The following FJX1 variants were observed in gnomAD, a reference collection of about 807,000 sequenced individuals.
FJX1 encodes the protein four-jointed box kinase 1.
In FJX1, 21 loss-of-function variants were observed where a neutral mutation model predicts 28.7. The ratio of observed to expected loss-of-function variants is 0.73; its 90% CI spans 0.52 to 1.05. The LOEUF is 1.05. FJX1 is among the 50% of genes least tolerant of loss of function. The pLI is 0.00. For missense variants in FJX1, 683 were observed against 647.2 expected, an observed-to-expected ratio of 1.06 and a Z score of -0.60; for synonymous variants, 363 against 310.0, an observed-to-expected ratio of 1.17 and a Z score of -1.80.
Position 35,619,017 on chromosome 11 carries a change from C to T in FJX1, c.381C>T (p.Gly127=). The stretch of plus-strand genomic sequence containing the variant: ...ACGGGGGCGTCTTCTGGAGCCGCGG[C>T]CTGGAGGAGCAGGTGCCCCCGGGCT... ...AVHGGVFWSR[G]LEEQVPPGFS... Residue 127 remains glycine (G), a synonymous_variant, in exon 1 of 1, where the codon GGC becomes GGT. Coordinates refer to ENST00000317811, the MANE Select transcript of FJX1 (RefSeq NM_014344.4). The surrounding 1 kb of genome is among the most constrained non-coding windows in gnomAD (Gnocchi z 7.6). 6.8e-7 allele frequency: 1 copy of T among 1,469,594 alleles called. No individual in the cohort carries two copies. Among genetic ancestry groups the T allele is most frequent in the South Asian group, 1.3e-5 (1 of 74,592 alleles). 91.0% of individuals were successfully genotyped at this position (1,469,594 alleles called of 1,614,324 possible). A position where few individuals can be genotyped will look rare whatever the true frequency, so the allele number is the denominator to read the frequency against.
rs946193193 is a variant in FJX1, at chr11:35,619,982, G to A, written c.*32G>A. The A allele has an allele frequency of 6.4e-7, 1 of 1,566,574 alleles. No individual in the cohort carries two copies. The highest frequency in any genetic ancestry group is 1.4e-5 in the African/African-American group (1 of 73,794). ...CGGGAGGAAAAGAGAGAGATCTGGG[G>A]CTGGGGTATGGATGATGGGGGGAAG... On this transcript the variant is annotated 3_prime_UTR_variant, in exon 1 of 1. Coordinates refer to ENST00000317811, the MANE Select transcript of FJX1 (RefSeq NM_014344.4). This position sits in a 1 kb window ranked among gnomAD's most constrained non-coding sequence, Gnocchi z 7.6.
At position 35,619,534 on chromosome 11, in the gene FJX1, G is replaced by T; in HGVS notation, c.898G>T (p.Ala300Ser). Residue 300 changes from alanine (A) to serine (S), a missense_variant, in exon 1 of 1, where the codon GCC (alanine) becomes TCC (serine). By Grantham distance (99) the Ala-to-Ser change is moderately conservative. Transcript: ENST00000317811. This position sits in a 1 kb window ranked among gnomAD's most constrained non-coding sequence, Gnocchi z 7.6. ...CTTAATCCTTTTCGACTACCTGACG[G>T]CCAACTTCGACCGGCTCGTAAGCAA... ...TDLILFDYLT[A>S]NFDRLVSNLF... is the part of the protein sequence containing the mutation. 1 of 1,600,734 alleles carries T rather than the reference G, an allele frequency of 6.2e-7. No homozygotes were observed.
In FJX1 at chr11:35,619,243, C is replaced by T; in HGVS notation, c.607C>T (p.Leu203Phe). Residue 203 changes from leucine (L) to phenylalanine (F), a missense_variant, in exon 1 of 1, where the codon CTC becomes TTC. Coordinates refer to ENST00000317811, the MANE Select transcript of FJX1 (RefSeq NM_014344.4). This position sits in a 1 kb window ranked among gnomAD's most constrained non-coding sequence, Gnocchi z 7.6. ...TTACTATCTGGCGCGCCTGCTGGGC[C>T]TCCAGCGCCACGTGCCGCCGCTGGC... ...LSYYLARLLG[L>F]QRHVPPLALA... The T allele has an allele frequency of 1.3e-6, 2 of 1,577,678 alleles. No homozygotes were observed. Among genetic ancestry groups the T allele is most frequent in the Non-Finnish European group, 1.7e-6 (2 of 1,171,178 alleles).
In FJX1 at chr11:35,619,111, G is replaced by C. The variant is rs1335142633; in HGVS notation, c.475G>C (p.Gly159Arg). The C allele has an allele frequency of 1.3e-6, 2 of 1,529,176 alleles. No homozygotes were observed. Among genetic ancestry groups the C allele is most frequent in the Admixed American group, 2.0e-5 (1 of 49,136 alleles). The allele number at this position is 1,529,176 out of a possible 1,614,324, so 94.7% of individuals were successfully genotyped here. The change falls in exon 1 of 1, where the codon GGG becomes CGG. Residue 159 changes from glycine to arginine, a missense_variant. Coordinates refer to ENST00000317811, the MANE Select transcript of FJX1 (RefSeq NM_014344.4). The surrounding 1 kb of genome is among the most constrained non-coding windows in gnomAD (Gnocchi z 7.6). ...CGCCCGGATGGTGGCCCTGGAGCGC[G>C]GGGGTTGCGGGCGCAGCTCCAACCG... Reference protein sequence around the residue: ...RGARMVALERGGCGRSSNRLA... With the variant: ...RGARMVALERRGCGRSSNRLA...
Position 35,619,918 on chromosome 11 carries a change from AAGGCCAAG to A in FJX1, c.1283_1290del (p.Lys428IlefsTer24), listed in dbSNP as rs1850880166. 1 of 1,586,646 alleles carries A rather than the reference AAGGCCAAG, an allele frequency of 6.3e-7. No homozygotes were observed. Among genetic ancestry groups the A allele is most frequent in the South Asian group, 1.2e-5 (1 of 86,560 alleles). On this transcript the variant is annotated frameshift_variant, in exon 1 of 1. Coordinates refer to ENST00000317811, the MANE Select transcript of FJX1 (RefSeq NM_014344.4). LOFTEE classifies it high-confidence loss of function. The surrounding 1 kb of genome is among the most constrained non-coding windows in gnomAD (Gnocchi z 7.6). ...CCTCGCCAAGCACATTTTGCACTGT[AAGGCCAAG>A]TACGGCCGCCGGTCTGGGACTTAGT...
Position 35,618,950 on chromosome 11 carries a change from T to TGTCA in FJX1, c.316_319dup (p.Ala107ValfsTer169). 6.8e-7 allele frequency: 1 copy of TGTCA among 1,470,722 alleles called. No homozygotes were observed. Among genetic ancestry groups the TGTCA allele is most frequent in the South Asian group, 1.3e-5 (1 of 76,782 alleles). The allele number at this position is 1,470,722 out of a possible 1,614,324, so 91.1% of individuals were successfully genotyped here. A position where few individuals can be genotyped will look rare whatever the true frequency, so the allele number is the denominator to read the frequency against. ...TCCCGGAGCGAGCCCAGGTGGCACG[T>TGTCA]GTCAGCCAGGCAGCCCCGGCCGGAG... On this transcript the variant is annotated frameshift_variant, in exon 1 of 1. Coordinates refer to ENST00000317811, the MANE Select transcript of FJX1 (RefSeq NM_014344.4). LOFTEE classifies it high-confidence loss of function. This position sits in a 1 kb window ranked among gnomAD's most constrained non-coding sequence, Gnocchi z 4.2.
In FJX1 at chr11:35,618,823, C is replaced by T; in HGVS notation, c.187C>T (p.Pro63Ser). The change falls in exon 1 of 1, where the codon CCT becomes TCT. Residue 63 changes from proline to serine, a missense_variant. Physicochemically the swap from Pro to Ser is moderately conservative, Grantham distance 74. Transcript: ENST00000317811. The surrounding 1 kb of genome is among the most constrained non-coding windows in gnomAD (Gnocchi z 4.2). Reference protein sequence around the residue: ...SGGPAPAPRFPLPPPLAWDAR... With the variant: ...SGGPAPAPRFSLPPPLAWDAR... ...CGGCCCCGCGCCCGCGCCTCGCTTCCCTCTGCCCCCGCCCCTGGCGTGGGA... is the reference window on the plus strand; with the variant it reads ...CGGCCCCGCGCCCGCGCCTCGCTTCTCTCTGCCCCCGCCCCTGGCGTGGGA... The T allele has an allele frequency of 7.7e-7, 1 of 1,304,080 alleles. No individual in the cohort carries two copies. Among genetic ancestry groups the T allele is most frequent in the South Asian group, 2.2e-5 (1 of 44,598 alleles). 80.8% of individuals were successfully genotyped at this position (1,304,080 alleles called of 1,614,324 possible). A position where few individuals can be genotyped will look rare whatever the true frequency, so the allele number is the denominator to read the frequency against.
chr11:35,618,613 G>A lies in FJX1; in HGVS notation c.-24G>A. The A allele has an allele frequency of 8.8e-7, 1 of 1,129,998 alleles. No individual in the cohort carries two copies. The highest frequency in any genetic ancestry group is 4.9e-5 in the East Asian group (1 of 20,286). 70.0% of individuals were successfully genotyped at this position (1,129,998 alleles called of 1,614,324 possible). ...CTGGGCTCGGCTTGAAGCGGCGGCG[G>A]CGCACCGGCACAGCCGCGGGAGCAT... On this transcript the variant is annotated 5_prime_UTR_variant, in exon 1 of 1. Transcript: ENST00000317811. The surrounding 1 kb of genome is among the most constrained non-coding windows in gnomAD (Gnocchi z 4.2).
Position 35,619,377 on chromosome 11 carries a change from C to T in FJX1, c.741C>T (p.Pro247=). 6.3e-7 allele frequency: 1 copy of T among 1,592,340 alleles called. No individual in the cohort carries two copies. The highest frequency in any genetic ancestry group is 2.2e-5 in the East Asian group (1 of 44,514). ...GSVVSLTRWL[P]NLTDVVVPAP... is the part of the protein sequence containing the mutation. ...TGGTGAGCCTGACACGCTGGCTGCC[C>T]AACCTCACGGACGTGGTGGTGCCCG... Residue 247 remains proline, a synonymous_variant, in exon 1 of 1, where the codon CCC becomes CCT. Coordinates refer to ENST00000317811, the MANE Select transcript of FJX1 (RefSeq NM_014344.4). The surrounding 1 kb of genome is among the most constrained non-coding windows in gnomAD (Gnocchi z 7.6).
Position 35,618,787 on chromosome 11 carries a change from G to A in FJX1, c.151G>A (p.Ala51Thr). 1.6e-6 allele frequency: 2 copies of A among 1,248,142 alleles called. No homozygotes were observed. The highest frequency in any genetic ancestry group is 2.0e-6 in the Non-Finnish European group (2 of 996,870). 77.3% of individuals were successfully genotyped at this position (1,248,142 alleles called of 1,614,324 possible). ...CGAAGACCGACTCCCACGGCGCCCGGCCCGGAGCGGCGGCCCCGCGCCCGC... is the reference window on the plus strand; with the variant it reads ...CGAAGACCGACTCCCACGGCGCCCGACCCGGAGCGGCGGCCCCGCGCCCGC... ...PPEDRLPRRP[A>T]RSGGPAPAPR... The change falls in exon 1 of 1, where the codon GCC (alanine) becomes ACC (threonine). Residue 51 changes from alanine (A) to threonine (T), a missense_variant. Coordinates refer to ENST00000317811, the MANE Select transcript of FJX1 (RefSeq NM_014344.4). The surrounding 1 kb of genome is among the most constrained non-coding windows in gnomAD (Gnocchi z 4.2).
rs774192421 is a variant in FJX1, at chr11:35,619,437, C to G, written c.801C>G (p.Pro267=). 5.4e-5 allele frequency: 86 copies of G among 1,598,366 alleles called. No individual in the cohort carries two copies. Among genetic ancestry groups the G allele is most frequent in the Non-Finnish European group, 6.8e-5 (80 of 1,179,530 alleles). Residue 267 remains proline (P), a synonymous_variant, in exon 1 of 1, where the codon CCC becomes CCG. Transcript: ENST00000317811. The surrounding 1 kb of genome is among the most constrained non-coding windows in gnomAD (Gnocchi z 7.6). ...GCTCGGAGGACGGCCGTCTGCGCCC[C>G]CTCCGGGATGCCGGGGGTGAGCTGG... ...PWRSEDGRLR[P]LRDAGGELAN... is the part of the protein sequence containing the mutation.
chr11:35,619,433 G>T lies in FJX1; in HGVS notation c.797G>T (p.Arg266Leu), dbSNP rs917524425. The T allele has an allele frequency of 5.6e-6, 9 of 1,598,112 alleles. No homozygotes were observed. In the African/African-American group the frequency reaches 6.7e-5, roughly 12 times the overall value. ...APWRSEDGRL[R>L]PLRDAGGELA... ...TGGCGCTCGGAGGACGGCCGTCTGC[G>T]CCCCCTCCGGGATGCCGGGGGTGAG... Residue 266 changes from arginine (R) to leucine (L), a missense_variant, in exon 1 of 1, where the codon CGC becomes CTC. Arg to Leu is a moderately radical substitution (Grantham distance 102). Transcript: ENST00000317811. The surrounding 1 kb of genome is among the most constrained non-coding windows in gnomAD (Gnocchi z 7.6).
chr11:35,618,670 GC>G lies in FJX1; in HGVS notation c.35del (p.Ala12GlyfsTer66). On this transcript the variant is annotated frameshift_variant, in exon 1 of 1. Coordinates refer to ENST00000317811, the MANE Select transcript of FJX1 (RefSeq NM_014344.4). LOFTEE classifies it high-confidence loss of function. The surrounding 1 kb of genome is among the most constrained non-coding windows in gnomAD (Gnocchi z 4.2). Reference sequence around the variant, plus strand: ...GAGGATGCGGGGCGCCGCCGCCACCGCGGGGCTCTGGCTGCTGGCGCTGGGC... The same window carrying G: ...GAGGATGCGGGGCGCCGCCGCCACCGGGGGCTCTGGCTGCTGGCGCTGGGC... The part of the protein sequence containing the change: ...GRRMRGAAAT[A>X]GLWLLALGSL... 1.6e-6 allele frequency: 2 copies of G among 1,234,558 alleles called. No individual in the cohort carries two copies. The allele number at this position is 1,234,558 out of a possible 1,614,324, so 76.5% of individuals were successfully genotyped here. A position where few individuals can be genotyped will look rare whatever the true frequency, so the allele number is the denominator to read the frequency against.
At position 35,618,650 on chromosome 11, in the gene FJX1, TGCGGGGCGCCGCCGCCACC is replaced by T; in HGVS notation, c.22_40del (p.Ala8SerfsTer64). 1 of 1,149,110 alleles carries T rather than the reference TGCGGGGCGCCGCCGCCACC, an allele frequency of 8.7e-7. No individual in the cohort carries two copies. Among genetic ancestry groups the T allele is most frequent in the Non-Finnish European group, 1.1e-6 (1 of 931,146 alleles). 71.2% of individuals were successfully genotyped at this position (1,149,110 alleles called of 1,614,324 possible). A position where few individuals can be genotyped will look rare whatever the true frequency, so the allele number is the denominator to read the frequency against. ...AGCCGCGGGAGCATGGGCAGGAGGA[TGCGGGGCGCCGCCGCCACC>T]GCGGGGCTCTGGCTGCTGGCGCTGG... On this transcript the variant is annotated frameshift_variant, in exon 1 of 1. Coordinates refer to ENST00000317811, the MANE Select transcript of FJX1 (RefSeq NM_014344.4). LOFTEE classifies it high-confidence loss of function. The surrounding 1 kb of genome is among the most constrained non-coding windows in gnomAD (Gnocchi z 4.2).
rs2135463754 is a variant in FJX1, at chr11:35,620,122, C to CT, written c.*175dup. ...CTTTCTTTCAATCCCACGCTGTTTC[C>CT]TTTCAAAGTTCTGGGAGGACGAACT... On this transcript the variant is annotated 3_prime_UTR_variant, in exon 1 of 1. Coordinates refer to ENST00000317811, the MANE Select transcript of FJX1 (RefSeq NM_014344.4). 9.8e-7 allele frequency: 1 copy of CT among 1,023,656 alleles called. No homozygotes were observed. The highest frequency in any genetic ancestry group is 1.6e-5 in the African/African-American group (1 of 60,896). The allele number at this position is 1,023,656 out of a possible 1,614,324, so 63.4% of individuals were successfully genotyped here. A position where few individuals can be genotyped will look rare whatever the true frequency, so the allele number is the denominator to read the frequency against.
Position 35,620,298 on chromosome 11 carries a change from C to T in FJX1, c.*348C>T. The T allele has an allele frequency of 3.3e-6, 1 of 302,940 alleles. No individual in the cohort carries two copies. The highest frequency in any genetic ancestry group is 5.8e-6 in the Non-Finnish European group (1 of 172,474). 18.8% of individuals were successfully genotyped at this position (302,940 alleles called of 1,614,324 possible). On this transcript the variant is annotated 3_prime_UTR_variant, in exon 1 of 1. Coordinates refer to ENST00000317811, the MANE Select transcript of FJX1 (RefSeq NM_014344.4). ...TGGGAGATGCACCCCATTCTTGGGCCCCCCCTCATTCCCTTTCCGAAAAAG... is the reference window on the plus strand; with the variant it reads ...TGGGAGATGCACCCCATTCTTGGGCTCCCCCTCATTCCCTTTCCGAAAAAG...
chr11:35,619,380 CCTCACGGACGTGGTGGTGCCCGCGCCCT>C lies in FJX1; in HGVS notation c.745_772del (p.Leu249GlyfsTer29). 6.3e-7 allele frequency: 1 copy of C among 1,593,180 alleles called. No individual in the cohort carries two copies. The highest frequency in any genetic ancestry group is 8.5e-7 in the Non-Finnish European group (1 of 1,177,438). On this transcript the variant is annotated frameshift_variant, in exon 1 of 1. Coordinates refer to ENST00000317811, the MANE Select transcript of FJX1 (RefSeq NM_014344.4). LOFTEE classifies it high-confidence loss of function. The surrounding 1 kb of genome is among the most constrained non-coding windows in gnomAD (Gnocchi z 7.6). ...TGAGCCTGACACGCTGGCTGCCCAA[CCTCACGGACGTGGTGGTGCCCGCGCCCT>C]GGCGCTCGGAGGACGGCCGTCTGCG...
In FJX1 at chr11:35,619,837, G is replaced by C; in HGVS notation, c.1201G>C (p.Glu401Gln). Residue 401 changes from glutamate (E) to glutamine (Q), a missense_variant, in exon 1 of 1, where the codon GAG becomes CAG. Glu to Gln is a conservative substitution (Grantham distance 29). Transcript: ENST00000317811. This position sits in a 1 kb window ranked among gnomAD's most constrained non-coding sequence, Gnocchi z 7.6. ...LYRRHEPRFP[E>Q]LAALADPHAQ... The stretch of plus-strand genomic sequence containing the variant: ...CCGGCGCCACGAGCCTCGCTTCCCC[G>C]AGCTGGCCGCCCTTGCAGACCCCCA... 5.2e-6 allele frequency: 8 copies of C among 1,552,972 alleles called. No individual in the cohort carries two copies. The highest frequency in any genetic ancestry group is 5.2e-6 in the Non-Finnish European group (6 of 1,148,638).
At position 35,619,652 on chromosome 11, in the gene FJX1, A is replaced by G. The variant is rs764499451; in HGVS notation, c.1016A>G (p.Asn339Ser). ...GPGGALVFLDNEAGLVHGYRV... is the reference protein window; with the variant it reads ...GPGGALVFLDSEAGLVHGYRV... ...GGCGGGGCGCTGGTCTTTCTGGACA[A>G]TGAGGCGGGCTTGGTGCACGGCTAC... Residue 339 changes from asparagine (N) to serine (S), a missense_variant, in exon 1 of 1, where the codon AAT becomes AGT. Physicochemically the swap from Asn to Ser is conservative, Grantham distance 46. Coordinates refer to ENST00000317811, the MANE Select transcript of FJX1 (RefSeq NM_014344.4). This position sits in a 1 kb window ranked among gnomAD's most constrained non-coding sequence, Gnocchi z 7.6. 7.4e-6 allele frequency: 12 copies of G among 1,611,120 alleles called. No homozygotes were observed. Among genetic ancestry groups the G allele is most frequent in the Non-Finnish European group, 9.3e-6 (11 of 1,179,662 alleles).
Sources: allele counts gnomAD v4.1 joint callset, GRCh38; gene constraint gnomAD v4.1.1; non-coding constraint Gnocchi (gnomAD v3.1); transcripts MANE v1.5; gene names NCBI Gene and HGNC (gene_info 2026-07-23, HGNC 2026-07-21).